Variants in C8orf34 observed in about 807,000 individuals in gnomAD.
C8orf34 encodes the protein chromosome 8 open reading frame 34.
Under a neutral mutation model 68.3 loss-of-function variants are expected in C8orf34, and 65 were observed. The observed-to-expected ratio is 0.95, with a 90% CI of 0.78 to 1.17. C8orf34 has a LOEUF of 1.17. Among genes scored for constraint, C8orf34 ranks in the 50% most tolerant of loss-of-function variants. C8orf34 has a pLI of 0.00. For missense variants in C8orf34, 664 were observed against 655.4 expected (o/e 1.01, Z -0.14); for synonymous variants, 244 against 241.2 (o/e 1.01, Z -0.11).
At chr8:68,407,766 AT>A (rs1283223611) in intron 1 of C8orf34, among the ~76,000 whole-genome samples, 6 of 151,740 alleles carry the variant, frequency 4.0e-5, no homozygotes, top group African/African-American at 1.5e-4. Context: ...TGTTATTTTC[AT>A]TTGTCAACAG....
chr8:68,780,831 TA>T (rs1463614626), intron 11 of C8orf34, among the ~76,000 whole-genome samples: 5 of 152,154 alleles, frequency 3.3e-5, no homozygotes, highest in Non-Finnish European at 7.4e-5. Flanking sequence ...ACAAGAAAGT[TA>T]TTTACAAACT....
At chr8:68,812,779 T>C (rs2129530004) in intron 12 of C8orf34, among the ~76,000 whole-genome samples, 1 of 152,314 alleles carries the variant, frequency 6.6e-6, no homozygotes, top group African/African-American at 2.4e-5. Flanking sequence ...GTTACGTAAC[T>C]TTTAAAGATC....
chr8:68,454,084 T>C (rs1036610100), intron 3 of C8orf34, among the ~76,000 whole-genome samples: 6 of 152,098 alleles, frequency 3.9e-5, no homozygotes, highest in Non-Finnish European at 8.8e-5. Context: ...CATTTTATAA[T>C]TTTCTTAAGT....
chr8:68,734,991 C>A (rs528803016), intron 10 of C8orf34, among the ~76,000 whole-genome samples: 3 of 152,274 alleles, frequency 2.0e-5, no homozygotes, highest in Admixed American at 6.5e-5. Flanking sequence ...AAATTAAGGC[C>A]TTACTTACAT....
chr8:68,518,886 CAA>C (rs56255310), intron 5 of C8orf34, among the ~76,000 whole-genome samples: 11 of 78,178 alleles, frequency 1.4e-4, no homozygotes, highest in Non-Finnish European at 2.3e-4. Flanking sequence ...GAGCAAGACT[CAA>C]AAAAAAAAAA....
chr8:68,462,685 A>G (rs1348940276), intron 3 of C8orf34, among the ~76,000 whole-genome samples: 1 of 152,134 alleles, frequency 6.6e-6, no homozygotes, highest in Non-Finnish European at 1.5e-5. Context: ...CTGCTCCTGA[A>G]TGACTACTGG....
At chr8:68,534,319 A>G (rs1258067960) in intron 7 of C8orf34, 1 of 985,302 alleles carries the variant, frequency 1.0e-6, no homozygotes, top group Admixed American at 6.2e-5. Flanking sequence ...TTAACATGGC[A>G]GACGTGCCCT....
intron 4 of C8orf34, among the ~76,000 whole-genome samples, chr8:68,482,929 G>A (rs1332150625): frequency 6.6e-6 from 1 of 152,084 alleles, no homozygotes; most frequent in Non-Finnish European, 1.5e-5. Flanking sequence ...TTGAAAAAAG[G>A]CTTAAAACAA....
intron 7 of C8orf34, among the ~76,000 whole-genome samples, chr8:68,587,629 C>A (rs1467506654): frequency 6.6e-6 from 1 of 151,946 alleles, no homozygotes; most frequent in Non-Finnish European, 1.5e-5. Context: ...ATGAAATTAA[C>A]AGATATATTA....
At chr8:68,565,325 C>T (rs556080250) in intron 7 of C8orf34, among the ~76,000 whole-genome samples, 1 of 152,164 alleles carries the variant, frequency 6.6e-6, no homozygotes, top group Non-Finnish European at 1.5e-5. Flanking sequence ...AACTTATTCT[C>T]ACTACATGTT....
chr8:68,451,560 G>C (rs1350988208), intron 3 of C8orf34, among the ~76,000 whole-genome samples: 3 of 151,944 alleles, frequency 2.0e-5, no homozygotes, highest in Non-Finnish European at 2.9e-5. Flanking sequence ...TGTGTTTCAG[G>C]GAATAGGGAA....
intron 1 of C8orf34, among the ~76,000 whole-genome samples, chr8:68,371,068 G>C (rs1259006578): frequency 3.3e-5 from 5 of 152,230 alleles, no homozygotes; most frequent in South Asian, 4.2e-4. Context: ...TTGATCAAGG[G>C]AAGGTGATTC....
chr8:68,427,127 G>A (rs992789014), intron 1 of C8orf34, among the ~76,000 whole-genome samples: 2 of 152,110 alleles, frequency 1.3e-5, no homozygotes, highest in African/African-American at 4.8e-5. Flanking sequence ...AAATAATTTG[G>A]TGGTTTCTTT....
chr8:68,459,376 C>T (rs976405356), intron 3 of C8orf34, among the ~76,000 whole-genome samples: 10 of 151,972 alleles, frequency 6.6e-5, no homozygotes, highest in African/African-American at 1.7e-4. Flanking sequence ...ACTACAGGTG[C>T]GTGCCACCAC....
intron 7 of C8orf34, among the ~76,000 whole-genome samples, chr8:68,615,872 T>C (rs574062823): frequency 7.3e-5 from 11 of 151,410 alleles, no homozygotes; most frequent in African/African-American, 2.7e-4. Flanking sequence ...ATGGTACCAG[T>C]TCCTCCTTGT....
At chr8:68,525,094 G>T (rs1008981917) in intron 6 of C8orf34, among the ~76,000 whole-genome samples, 2 of 152,054 alleles carry the variant, frequency 1.3e-5, no homozygotes, top group Non-Finnish European at 2.9e-5. Context: ...CTTCCCATTA[G>T]GAAGTTTTCT....
intron 8 of C8orf34, among the ~76,000 whole-genome samples, chr8:68,666,538 A>C (rs867482477): frequency 6.6e-6 from 1 of 152,246 alleles, no homozygotes; most frequent in Non-Finnish European, 1.5e-5. Context: ...ACAAAAAACA[A>C]ACAAAACACA....
At chr8:68,790,565 T>C (rs536190789) in intron 12 of C8orf34, among the ~76,000 whole-genome samples, 28 of 152,354 alleles carry the variant, frequency 1.8e-4, no homozygotes, top group African/African-American at 6.5e-4. Flanking sequence ...GAAAAGATAT[T>C]GTGAACAATT....
At chr8:68,757,389 G>A (rs1189017419) in intron 10 of C8orf34, among the ~76,000 whole-genome samples, 3 of 152,136 alleles carry the variant, frequency 2.0e-5, no homozygotes, top group African/African-American at 7.2e-5. Context: ...CAGCACTTTG[G>A]GAGGCTGAGG....
Sources: gnomAD v4.1 joint callset for allele counts (sites outside exome capture counted in the v4.1 genomes callset) on GRCh38, gnomAD v4.1.1 for gene constraint, MANE v1.5 for transcripts, NCBI Gene and HGNC (gene_info 2026-07-23, HGNC 2026-07-21) for gene names.